The following DAP variants were observed in gnomAD, a reference collection of about 807,000 sequenced individuals.
DAP encodes the protein death-associated protein 1.
DAP carries 8 observed loss-of-function variants against 13.8 expected under a neutral mutation model. The observed-to-expected ratio is 0.58, with a 90% CI of 0.34 to 1.05. The LOEUF (loss-of-function observed/expected upper bound fraction) is 1.05, where lower values mean the gene tolerates loss of function less well. DAP is among the 50% of genes least tolerant of loss of function. The pLI is 0.03. For missense variants in DAP, 106 were observed against 133.2 expected (o/e 0.80, Z 1.01); for synonymous variants, 47 against 47.5 (o/e 0.99, Z 0.04).
intron 2 of DAP, among the ~76,000 whole-genome samples, chr5:10,704,455 G>C (rs977218135): frequency 2.0e-5 from 3 of 152,108 alleles, no homozygotes; most frequent in Non-Finnish European, 4.4e-5. Flanking sequence ...ATGTGTCTCT[G>C]TGCTGTCGCC....
intron 2 of DAP, among the ~76,000 whole-genome samples, chr5:10,690,429 C>A (rs547008102): frequency 6.6e-6 from 1 of 152,306 alleles, no homozygotes; most frequent in South Asian, 2.1e-4. Context: ...AGAACTTTTT[C>A]ATCATTCCCA....
chr5:10,727,619 T>C (rs1739323906), intron 2 of DAP, among the ~76,000 whole-genome samples: 1 of 152,062 alleles, frequency 6.6e-6, no homozygotes, highest in Non-Finnish European at 1.5e-5. Context: ...CAACTCAATA[T>C]CCAAGTTATG....
At chr5:10,749,090 T>A (rs1267254980) in intron 1 of DAP, among the ~76,000 whole-genome samples, 1 of 152,230 alleles carries the variant, frequency 6.6e-6, no homozygotes, top group Non-Finnish European at 1.5e-5. Flanking sequence ...GGTGACTGGC[T>A]CCTTGCACTT....
rs761416200 is a variant in DAP, at chr5:10,712,772, C to A, written c.153-29201G>T. Among the ~76,000 whole-genome samples the A allele has an allele frequency of 1.9e-4, 29 of 152,204 alleles. 1 individual carries two copies. Among genetic ancestry groups the A allele is most frequent in the Admixed American group, 9.2e-4 (14 of 15,284 alleles). On this transcript the variant is annotated intron_variant, in intron 2 of 3. Coordinates refer to ENST00000230895, the MANE Select transcript of DAP (RefSeq NM_004394.3). ...AAGCTGGCGGGAATGCCCTTAGCTT[C>A]TCAGGGCTTCTGTTATTCAGTTGCA...
At chr5:10,730,008 C>A (rs114681354) in intron 2 of DAP, among the ~76,000 whole-genome samples, 265 of 152,304 alleles carry the variant, frequency 1.7e-3, no homozygotes, top group African/African-American at 6.0e-3. Context: ...ATGGTGGTTA[C>A]GAAAATTCAA....
At chr5:10,715,873 G>A (rs563874802) in intron 2 of DAP, among the ~76,000 whole-genome samples, 7 of 152,286 alleles carry the variant, frequency 4.6e-5, no homozygotes, top group South Asian at 2.1e-4. Context: ...CTTGTCACAC[G>A]TAACAATTAA....
At chr5:10,714,959 A>T (rs1372829179) in intron 2 of DAP, among the ~76,000 whole-genome samples, 1 of 152,188 alleles carries the variant, frequency 6.6e-6, no homozygotes, top group African/African-American at 2.4e-5. Flanking sequence ...ACCATGAGCC[A>T]GTTCAACCTC....
intron 1 of DAP, among the ~76,000 whole-genome samples, chr5:10,751,070 T>C (rs1222739648): frequency 1.3e-5 from 2 of 152,150 alleles, no homozygotes; most frequent in African/African-American, 4.8e-5. Context: ...TTCCTGGCCC[T>C]CCTAGGGCCA....
intron 2 of DAP, among the ~76,000 whole-genome samples, chr5:10,705,169 C>A (rs1049201099): frequency 6.6e-6 from 1 of 152,176 alleles, no homozygotes; most frequent in South Asian, 2.1e-4. Context: ...TTTCCTGATG[C>A]GTTTGAATCA....
At chr5:10,739,941 AAAAATT>A (rs1255787614) in intron 2 of DAP, among the ~76,000 whole-genome samples, 1 of 152,154 alleles carries the variant, frequency 6.6e-6, no homozygotes, top group African/African-American at 2.4e-5. Context: ...TACTTTACTT[AAAAATT>A]AAAAGACCCT....
chr5:10,688,657 A>G (rs1332941325), intron 2 of DAP, among the ~76,000 whole-genome samples: 1 of 151,766 alleles, frequency 6.6e-6, no homozygotes, highest in Non-Finnish European at 1.5e-5. Context: ...GTATTTATAA[A>G]GATTGACACA....
intron 2 of DAP, among the ~76,000 whole-genome samples, chr5:10,710,017 A>G (rs530820654): frequency 6.6e-6 from 1 of 152,320 alleles, no homozygotes; most frequent in Admixed American, 6.5e-5. Flanking sequence ...GCGCTGCTCG[A>G]GGCTGATTGC....
At chr5:10,752,970 T>C (rs1192000542) in intron 1 of DAP, among the ~76,000 whole-genome samples, 1 of 152,200 alleles carries the variant, frequency 6.6e-6, no homozygotes, top group East Asian at 1.9e-4. Flanking sequence ...TTTCCAGCTC[T>C]TCACCCTCTC....
chr5:10,680,438 C>A lies in DAP; in HGVS notation c.*618G>T, dbSNP rs1579778818. ...ACCTGTCTCCAGCCTCATTCTTTGG[C>A]ATGTTGACTCCTGGAATTGAGGGGC... is the stretch of plus-strand genomic sequence containing the variant. On this transcript the variant is annotated 3_prime_UTR_variant, in exon 4 of 4. Transcript: ENST00000230895. 1.2e-5 allele frequency: 5 copies of A among 434,280 alleles called. No homozygotes were observed. The East Asian group carries it at 2.1e-4, about 19-fold the overall frequency. 26.9% of individuals were successfully genotyped at this position (434,280 alleles called of 1,614,324 possible).
In DAP at chr5:10,683,545, G is replaced by T. The variant is rs765162227; in HGVS notation, c.179C>A (p.Ser60Tyr). 6.2e-7 allele frequency: 1 copy of T among 1,614,104 alleles called. No homozygotes were observed. The highest frequency in any genetic ancestry group is 8.5e-7 in the Non-Finnish European group (1 of 1,180,004). Residue 60 changes from serine to tyrosine, a missense_variant, in exon 3 of 4, where the codon TCT becomes TAT. Ser to Tyr is a moderately radical substitution (Grantham distance 144, BLOSUM62 -2). Coordinates refer to ENST00000230895, the MANE Select transcript of DAP (RefSeq NM_004394.3). ...PSPPKPTVFISGVIARGDKDF... is the reference protein window; with the variant it reads ...PSPPKPTVFIYGVIARGDKDF... ...CAGACTTACCCGGGCGATGACCCCA[G>T]AGATGAACACAGTGGGTTTAGGTGG...
intron 2 of DAP, among the ~76,000 whole-genome samples, chr5:10,716,562 G>C (rs1479996007): frequency 2.0e-5 from 3 of 152,138 alleles, no homozygotes; most frequent in Non-Finnish European, 2.9e-5. Context: ...CAAATATAAA[G>C]CAGGCAGAAA....
chr5:10,743,775 C>A (rs1203614523), intron 2 of DAP, among the ~76,000 whole-genome samples: 1 of 152,138 alleles, frequency 6.6e-6, no homozygotes, highest in Non-Finnish European at 1.5e-5. Context: ...AATCAAGCAG[C>A]CACGCAGGAA....
At chr5:10,746,262 A>G (rs1303799355) in intron 2 of DAP, among the ~76,000 whole-genome samples, 2 of 152,028 alleles carry the variant, frequency 1.3e-5, no homozygotes, top group Admixed American at 6.6e-5. Flanking sequence ...AGAGTTGCTG[A>G]TGCTGTTACG....
intron 1 of DAP, among the ~76,000 whole-genome samples, chr5:10,749,372 T>C (rs959663873): frequency 9.9e-5 from 15 of 152,196 alleles, no homozygotes; most frequent in African/African-American, 3.6e-4. Context: ...TTTATCCTTC[T>C]GAAAACCACC....
Sources: allele counts gnomAD v4.1 joint callset (sites outside exome capture counted in the v4.1 genomes callset), GRCh38; gene constraint gnomAD v4.1.1; transcripts MANE v1.5; gene names NCBI Gene and HGNC (gene_info 2026-07-23, HGNC 2026-07-21).